MTUS2: variants seen among roughly 807,000 people sequenced by gnomAD.
MTUS2 encodes the protein microtubule associated scaffold protein 2, also known as microtubule-associated tumor suppressor candidate 2.
MTUS2 carries 40 observed loss-of-function variants against 114.1 expected under a neutral mutation model. The observed-to-expected ratio is 0.35, with a 90% confidence interval of 0.27 to 0.46. The LOEUF is 0.46. MTUS2 is among the 20% of genes least tolerant of loss of function. The pLI, the probability that MTUS2 is intolerant of heterozygous loss-of-function variation, is 1.00. For missense variants in MTUS2, 1,679 were observed against 1,705.4 expected (o/e 0.98, Z 0.27); for synonymous variants, 688 against 672.0 (o/e 1.02, Z -0.37).
At chr13:29,348,246 G>GC (rs1251155445) in intron 7 of MTUS2, among the ~76,000 whole-genome samples, 3 of 152,024 alleles carry the variant, frequency 2.0e-5, no homozygotes, top group Admixed American at 2.0e-4. Context: ...GGCAAATGAT[G>GC]CTTCTGTTAC....
chr13:29,468,137 C>G (rs4503648), intron 9 of MTUS2, among the ~76,000 whole-genome samples: 3,510 of 152,006 alleles, frequency 0.023, 120 homozygotes, highest in African/African-American at 0.076. Context: ...ACAAAAAAAT[C>G]CCAAAAGAGT....
intron 4 of MTUS2, among the ~76,000 whole-genome samples, chr13:29,083,637 A>G (rs779934449): frequency 2.6e-5 from 4 of 152,192 alleles, no homozygotes; most frequent in Non-Finnish European, 5.9e-5. Context: ...TCCACTGTGT[A>G]GTGTCATTCA....
chr13:29,157,850 C>T (rs963239405), intron 5 of MTUS2, among the ~76,000 whole-genome samples: 3 of 151,428 alleles, frequency 2.0e-5, no homozygotes, highest in Admixed American at 6.6e-5. Flanking sequence ...AGATATAGAT[C>T]GATCATGATT....
At chr13:29,013,515 T>C (rs932691189) in intron 2 of MTUS2, among the ~76,000 whole-genome samples, 1 of 152,242 alleles carries the variant, frequency 6.6e-6, no homozygotes, top group African/African-American at 2.4e-5. Flanking sequence ...TAGGTATTAT[T>C]TTACCCTCTT....
At chr13:29,281,532 G>C (rs1231037553) in intron 5 of MTUS2, among the ~76,000 whole-genome samples, 172 bp from the exon 6 acceptor site, 4 of 152,068 alleles carry the variant, frequency 2.6e-5, no homozygotes, top group Admixed American at 6.6e-5. Flanking sequence ...TGACTAAAGG[G>C]AGTTCTTTTC....
intron 2 of MTUS2, among the ~76,000 whole-genome samples, chr13:28,921,061 G>T (rs1285272189): frequency 6.6e-6 from 1 of 152,234 alleles, no homozygotes; most frequent in Non-Finnish European, 1.5e-5. Context: ...AGCTGAGCTG[G>T]TACCTGAGGT....
chr13:29,041,359 A>G (rs971539978), intron 4 of MTUS2, among the ~76,000 whole-genome samples: 5 of 152,172 alleles, frequency 3.3e-5, no homozygotes, highest in Non-Finnish European at 7.3e-5. Context: ...GCCTTATGGT[A>G]TAGTTTGAAG....
At chr13:29,436,498 A>C (rs772752943) in intron 8 of MTUS2, among the ~76,000 whole-genome samples, 31 of 152,218 alleles carry the variant, frequency 2.0e-4, no homozygotes, top group Non-Finnish European at 4.0e-4. Context: ...ACCTGTAGTA[A>C]TTAGTAAATA....
intron 7 of MTUS2, among the ~76,000 whole-genome samples, chr13:29,329,388 G>T (rs1900669202): frequency 6.6e-6 from 1 of 151,952 alleles, no homozygotes; most frequent in Non-Finnish European, 1.5e-5. Flanking sequence ...AGAACATGTG[G>T]TATCTGGGTT....
chr13:29,348,238 C>A (rs932117052), intron 7 of MTUS2, among the ~76,000 whole-genome samples: 44 of 152,028 alleles, frequency 2.9e-4, no homozygotes, highest in African/African-American at 1.1e-3. Flanking sequence ...TCTATTAGGG[C>A]AAATGATGCT....
At chr13:29,001,149 G>A (rs1055323314) in intron 2 of MTUS2, among the ~76,000 whole-genome samples, 2 of 152,178 alleles carry the variant, frequency 1.3e-5, no homozygotes, top group Non-Finnish European at 2.9e-5. Context: ...TTTTTGCTGG[G>A]ATGCTTCTCA....
intron 5 of MTUS2, among the ~76,000 whole-genome samples, chr13:29,189,310 C>T (rs542794826): frequency 6.6e-6 from 1 of 152,234 alleles, no homozygotes; most frequent in South Asian, 2.1e-4. Flanking sequence ...AAATTAATTT[C>T]CTTTGTTGTG....
intron 4 of MTUS2, among the ~76,000 whole-genome samples, chr13:29,042,369 A>G (rs568595951): frequency 6.6e-6 from 1 of 152,208 alleles, no homozygotes; most frequent in East Asian, 1.9e-4. Context: ...TCCATTAGCT[A>G]GTATTTTGTT....
At chr13:28,863,522 T>C (rs1252952395) in intron 2 of MTUS2, among the ~76,000 whole-genome samples, 1 of 152,192 alleles carries the variant, frequency 6.6e-6, no homozygotes, top group Non-Finnish European at 1.5e-5. Context: ...TTCTGCTCCT[T>C]GCCTGCGAGT....
At chr13:29,165,585 T>C (rs1451531976) in intron 5 of MTUS2, among the ~76,000 whole-genome samples, 1 of 152,232 alleles carries the variant, frequency 6.6e-6, no homozygotes, top group Admixed American at 6.5e-5. Flanking sequence ...TAATGGCTAA[T>C]TTAAATATAA....
In MTUS2 at chr13:29,253,192, G is replaced by A. The variant is rs142793968; in HGVS notation, c.2645-28512G>A. 1.4e-3 allele frequency among the ~76,000 whole-genome samples: 210 copies of A among 151,746 alleles called. 7 individuals are homozygous for A. The East Asian group carries it at 0.035, about 25-fold the overall frequency. ...TGTAATTCTAGCACTTTGGGAGGCCGAGGCAGGCAAATCACTTGAGATCAG... is the reference window on the plus strand; with the variant it reads ...TGTAATTCTAGCACTTTGGGAGGCCAAGGCAGGCAAATCACTTGAGATCAG... On this transcript the variant is annotated intron_variant, in intron 5 of 15. Coordinates refer to ENST00000612955, the MANE Select transcript of MTUS2 (RefSeq NM_001033602.4).
intron 8 of MTUS2, among the ~76,000 whole-genome samples, chr13:29,386,921 T>C (rs775254922): frequency 1.3e-5 from 2 of 152,168 alleles, no homozygotes; most frequent in Non-Finnish European, 2.9e-5. Context: ...TCAAAGGCAA[T>C]TCCTCCAGCC....
At chr13:28,941,863 A>G (rs911637483) in intron 2 of MTUS2, among the ~76,000 whole-genome samples, 2 of 152,212 alleles carry the variant, frequency 1.3e-5, no homozygotes, top group South Asian at 2.1e-4. Context: ...TTACTAGTGC[A>G]TGGTTTTCTA....
chr13:28,846,246 C>T (rs183908803), intron 2 of MTUS2, among the ~76,000 whole-genome samples: 23 of 152,054 alleles, frequency 1.5e-4, no homozygotes, highest in South Asian at 6.3e-4. Context: ...TGAGAGACCA[C>T]GGGGGAAATC....
Sources: gnomAD v4.1 joint callset for allele counts (sites outside exome capture counted in the v4.1 genomes callset) on GRCh38, gnomAD v4.1.1 for gene constraint, MANE v1.5 for transcripts, NCBI Gene and HGNC (gene_info 2026-07-23, HGNC 2026-07-21) for gene names.